Variants in MAP4K5 observed in about 807,000 individuals in gnomAD.
MAP4K5 encodes the protein mitogen-activated protein kinase kinase kinase kinase 5.
A neutral mutation model predicts 135.6 loss-of-function variants in MAP4K5; 82 were observed. The ratio of observed to expected loss-of-function variants is 0.60; its 90% confidence interval spans 0.51 to 0.73. The LOEUF is 0.73. Among genes scored for constraint, MAP4K5 ranks in the 30% least tolerant of loss-of-function variants. The pLI is 0.00. For synonymous variants in MAP4K5, 347 were observed against 335.0 expected (o/e 1.04, Z -0.39); for missense variants, 907 against 1,010.9 (o/e 0.90, Z 1.39).
chr14:50,556,801 C>T (rs1046464673), intron 1 of MAP4K5, among the ~76,000 whole-genome samples: 3 of 152,170 alleles, frequency 2.0e-5, no homozygotes, highest in African/African-American at 7.2e-5. Flanking sequence ...AAGGTCCATC[C>T]ATGTTGTACC....
intron 13 of MAP4K5, among the ~76,000 whole-genome samples, chr14:50,458,132 A>T (rs943263523): frequency 2.0e-5 from 3 of 152,000 alleles, no homozygotes; most frequent in African/African-American, 7.2e-5. Flanking sequence ...ACATTCTTCA[A>T]ACCTACCCAT....
At chr14:50,555,448 A>AT (rs1256405883) in intron 1 of MAP4K5, among the ~76,000 whole-genome samples, 2 of 151,922 alleles carry the variant, frequency 1.3e-5, no homozygotes, top group African/African-American at 2.4e-5. Flanking sequence ...GTCCCGGCTA[A>AT]TTTTTTGTAT....
At chr14:50,558,491 G>A (rs1424019431) in intron 1 of MAP4K5, among the ~76,000 whole-genome samples, 1 of 152,176 alleles carries the variant, frequency 6.6e-6, no homozygotes, top group African/African-American at 2.4e-5. Flanking sequence ...AGTACAAAAA[G>A]TCACATACAG....
intron 9 of MAP4K5, among the ~76,000 whole-genome samples, chr14:50,471,036 G>A (rs1350398352): frequency 6.6e-6 from 1 of 151,936 alleles, no homozygotes; most frequent in Admixed American, 6.6e-5. Flanking sequence ...TTAAGTTCCA[G>A]GGTATATGTG....
chr14:50,528,062 A>G (rs375113608), intron 2 of MAP4K5, among the ~76,000 whole-genome samples: 40 of 152,228 alleles, frequency 2.6e-4, no homozygotes, highest in East Asian at 2.1e-3. Context: ...GCAGATCTAC[A>G]TTTTTACAGT....
chr14:50,477,501 G>A (rs893491708), intron 6 of MAP4K5, among the ~76,000 whole-genome samples: 1 of 152,106 alleles, frequency 6.6e-6, no homozygotes, highest in Admixed American at 6.5e-5. Context: ...AAACCTCTAG[G>A]ACAATGTTGA....
intron 1 of MAP4K5, among the ~76,000 whole-genome samples, chr14:50,548,978 G>C (rs2038668512): frequency 6.6e-6 from 1 of 152,130 alleles, no homozygotes; most frequent in South Asian, 2.1e-4. Flanking sequence ...TTCTAACCAA[G>C]CCCGTCTCTG....
chr14:50,466,127 A>G (rs1158273029), intron 11 of MAP4K5, among the ~76,000 whole-genome samples: 1 of 152,120 alleles, frequency 6.6e-6, no homozygotes, highest in East Asian at 1.9e-4. Flanking sequence ...CTGTAATCCC[A>G]GTACTTTGGA....
rs553633824 is a variant in MAP4K5, at chr14:50,478,972, A to C, written c.379-2666T>G. Among the ~76,000 whole-genome samples the C allele has an allele frequency of 2.7e-5, 4 of 150,058 alleles. No homozygotes were observed. In the South Asian group the frequency reaches 8.5e-4, roughly 32 times the overall value. Reference sequence around the variant, plus strand: ...CTAAGATGTTCTAATCAAATAAGCAATTTGATTCATGTGTCTTAGTGTAGT... The same window carrying C: ...CTAAGATGTTCTAATCAAATAAGCACTTTGATTCATGTGTCTTAGTGTAGT... On this transcript the variant is annotated intron_variant, in intron 6 of 32. Coordinates refer to ENST00000682126, the MANE Select transcript of MAP4K5 (RefSeq NM_006575.6).
intron 31 of MAP4K5, 58 bp from the exon 32 acceptor site, chr14:50,423,234 A>G (rs1305847002): frequency 2.9e-6 from 2 of 689,072 alleles, no homozygotes; most frequent in African/African-American, 1.8e-5. Context: ...CTTAATAACA[A>G]TTTAAAATTA....
intron 14 of MAP4K5, chr14:50,449,438 T>C (rs1318453874): frequency 6.6e-6 from 1 of 152,170 alleles, no homozygotes; most frequent in East Asian, 1.9e-4. Context: ...ATTTAAAATT[T>C]AAAAATTCTA....
At chr14:50,534,534 A>G (rs1471045109), upstream of MAP4K5, among the ~76,000 whole-genome samples, 2 of 152,256 alleles carry the variant, frequency 1.3e-5, no homozygotes, top group East Asian at 3.8e-4. Context: ...CAGCATTTAA[A>G]ATGAATTAGG....
chr14:50,503,889 T>C (rs2037756947), intron 3 of MAP4K5, among the ~76,000 whole-genome samples: 1 of 152,088 alleles, frequency 6.6e-6, no homozygotes, highest in Non-Finnish European at 1.5e-5. Context: ...ATAGTTCTGT[T>C]ATATTCCCTA....
chr14:50,557,937 C>A (rs1425959664), intron 1 of MAP4K5, among the ~76,000 whole-genome samples: 1 of 152,014 alleles, frequency 6.6e-6, no homozygotes, highest in African/African-American at 2.4e-5. Flanking sequence ...TGCTCAAAGA[C>A]AAAAAGGGAC....
intron 2 of MAP4K5, among the ~76,000 whole-genome samples, chr14:50,511,853 A>C (rs762603108): frequency 6.6e-6 from 1 of 152,186 alleles, no homozygotes; most frequent in Admixed American, 6.5e-5. Flanking sequence ...AAAACTACAG[A>C]GACAGTAAAA....
In MAP4K5 at chr14:50,418,734, TTAAG is replaced by T. The variant is rs1179321223; in HGVS notation, c.*1281_*1284del. On this transcript the variant is annotated 3_prime_UTR_variant, in exon 33 of 33. Transcript: ENST00000682126. ...ATGAGATACTTATACTGTTTTCCTC[TTAAG>T]TAATTAGTCAAAATAATTATAGAGT... The T allele has an allele frequency of 6.6e-6, 1 of 152,290 alleles. No individual in the cohort carries two copies. Among genetic ancestry groups the T allele is most frequent in the Non-Finnish European group, 1.5e-5 (1 of 68,036 alleles). 9.4% of individuals were successfully genotyped at this position (152,290 alleles called of 1,614,324 possible). A position where few individuals can be genotyped will look rare whatever the true frequency, so the allele number is the denominator to read the frequency against.
chr14:50,479,871 T>C (rs2037197644), intron 6 of MAP4K5, among the ~76,000 whole-genome samples: 1 of 152,216 alleles, frequency 6.6e-6, no homozygotes, highest in South Asian at 2.1e-4. Context: ...TCCTTCTCCC[T>C]GTACTGTGGC....
At chr14:50,438,249 T>C in intron 23 of MAP4K5, 155 bp from the exon 24 acceptor site, 3 of 445,402 alleles carry the variant, frequency 6.7e-6, no homozygotes, top group East Asian at 4.8e-5. Context: ...TAGGTACTAA[T>C]AGGTGATCTG....
chr14:50,444,024 C>T lies in MAP4K5; in HGVS notation c.1352G>A (p.Gly451Asp). 6.3e-7 allele frequency: 1 copy of T among 1,599,892 alleles called. No individual in the cohort carries two copies. The highest frequency in any genetic ancestry group is 8.5e-7 in the Non-Finnish European group (1 of 1,171,506). The change falls in exon 19 of 33, where the codon GGT becomes GAT. Residue 451 changes from glycine to aspartate, a missense_variant. Physicochemically the swap from Gly to Asp is moderately conservative, Grantham distance 94. This residue lies in a region of MAP4K5 where 690 missense variants were observed against 777.4 expected (regional missense o/e 0.89). Coordinates refer to ENST00000682126, the MANE Select transcript of MAP4K5 (RefSeq NM_006575.6). ...ATTTTCACTCATCAGTTTTGAAATA[C>T]CATCACCATTTCCTAAAGAGAATCA... The part of the protein sequence containing the change: ...AETSSIGNGD[G>D]ISKLMSENTE...
Sources: gnomAD v4.1 joint callset for allele counts (sites outside exome capture counted in the v4.1 genomes callset) on GRCh38, gnomAD v4.1.1 for gene constraint, gnomAD v4.1.1 regional missense constraint, MANE v1.5 for transcripts, NCBI Gene and HGNC (gene_info 2026-07-23, HGNC 2026-07-21) for gene names.